SLC30A9: variants seen among roughly 807,000 people sequenced by gnomAD.
SLC30A9 encodes solute carrier family 30 member 9, also known as proton-coupled zinc antiporter SLC30A9, mitochondrial.
A neutral mutation model predicts 87.5 loss-of-function variants in SLC30A9; 58 were observed. That is an observed-to-expected ratio of 0.66 (90% CI 0.54 to 0.82). The LOEUF is 0.82. Among genes scored for constraint, SLC30A9 ranks in the 40% least tolerant of loss-of-function variants. The probability of loss-of-function intolerance (pLI) is 0.00; values close to 1 mark genes in which losing one functional copy is unlikely to be tolerated. For missense variants in SLC30A9, 557 were observed against 679.1 expected, an observed-to-expected ratio of 0.82 and a Z score of 2.00; for synonymous variants, 234 against 233.0, an observed-to-expected ratio of 1.00 and a Z score of -0.04.
intron 9 of SLC30A9, among the ~76,000 whole-genome samples, chr4:42,054,285 G>T (rs891994845): frequency 1.3e-5 from 2 of 152,096 alleles, no homozygotes; most frequent in Non-Finnish European, 2.9e-5. Context: ...TTGAACCCGG[G>T]AGGCAGAGGT....
In SLC30A9 at chr4:42,087,714, A is replaced by G. The variant is rs909881581; in HGVS notation, c.*1588A>G. On this transcript the variant is annotated 3_prime_UTR_variant, in exon 18 of 18. Transcript: ENST00000264451. ...ATATATATATATAATTTGATACTCT[A>G]TTCTTACAGTTTCAAATTCCTTATC... is the stretch of plus-strand genomic sequence containing the variant. The G allele has an allele frequency of 8.0e-5, 12 of 150,560 alleles. No individual in the cohort carries two copies. Among genetic ancestry groups the G allele is most frequent in the African/African-American group, 1.5e-4 (6 of 40,970 alleles). 9.3% of individuals were successfully genotyped at this position (150,560 alleles called of 1,614,324 possible).
At chr4:42,084,746 CAGGCGTGA>C (rs1718864448) in intron 17 of SLC30A9, among the ~76,000 whole-genome samples, 1 of 152,186 alleles carries the variant, frequency 6.6e-6, no homozygotes, top group Non-Finnish European at 1.5e-5. Flanking sequence ...GCTGGGATTA[CAGGCGTGA>C]GCCACCGCGC....
chr4:42,063,273 G>C (rs868847962), intron 11 of SLC30A9, 152 bp downstream of exon 11: 35 of 532,240 alleles, frequency 6.6e-5, no homozygotes, highest in Middle Eastern at 9.8e-4. Flanking sequence ...TTAATTTTTA[G>C]AACGTGACTG....
At chr4:42,073,174 G>A (rs1577722298) in intron 15 of SLC30A9, among the ~76,000 whole-genome samples, 1 of 152,108 alleles carries the variant, frequency 6.6e-6, no homozygotes, top group South Asian at 2.1e-4. Flanking sequence ...CTCTGTATCC[G>A]TTACTGAAAG....
intron 8 of SLC30A9, among the ~76,000 whole-genome samples, chr4:42,044,805 A>G (rs114509266): frequency 6.6e-6 from 1 of 152,242 alleles, no homozygotes; most frequent in East Asian, 1.9e-4. Context: ...TATTGACCAC[A>G]TAATTGGATG....
intron 9 of SLC30A9, among the ~76,000 whole-genome samples, chr4:42,053,499 T>C (rs1283983487): frequency 6.6e-6 from 1 of 151,974 alleles, no homozygotes; most frequent in Non-Finnish European, 1.5e-5. Context: ...GAGACCAGCC[T>C]GGCCAAGATG....
At chr4:42,053,030 C>T (rs1453343668) in intron 9 of SLC30A9, among the ~76,000 whole-genome samples, 1 of 151,430 alleles carries the variant, frequency 6.6e-6, no homozygotes, top group Non-Finnish European at 1.5e-5. Context: ...AAATGAGAAC[C>T]AGTTTTTTCC....
chr4:42,074,099 G>GA (rs890510271), intron 15 of SLC30A9, among the ~76,000 whole-genome samples: 22 of 145,876 alleles, frequency 1.5e-4, no homozygotes, highest in African/African-American at 2.3e-4. Flanking sequence ...TACCAGGAGA[G>GA]AAAAAAAAAA....
chr4:42,029,418 C>T, intron 6 of SLC30A9: 1 of 584,858 alleles, frequency 1.7e-6, no homozygotes, highest in South Asian at 1.5e-5. Context: ...CATATCAGAA[C>T]CACATATCAG....
chr4:42,020,584 G>A (rs1027287470), intron 4 of SLC30A9, 69 bp downstream of exon 4: 11 of 834,398 alleles, frequency 1.3e-5, no homozygotes, highest in Middle Eastern at 3.6e-4. Flanking sequence ...CTTTCTTAGA[G>A]TGTGTTACCT....
rs78074264 is a variant in SLC30A9, at chr4:42,063,747, T to C, written c.1032+626T>C. Among the ~76,000 whole-genome samples, 488 of 152,282 alleles carry C rather than the reference T, an allele frequency of 3.2e-3. 2 individuals are homozygous for C. The highest frequency in any genetic ancestry group is 0.011 in the African/African-American group (467 of 41,564). On this transcript the variant is annotated intron_variant, in intron 11 of 17. Coordinates refer to ENST00000264451, the MANE Select transcript of SLC30A9 (RefSeq NM_006345.4). ...TCTGGCCTTTGTAGATGTTTAAAAC[T>C]GTCTTTTTTTTTCTCATGGGCACTT...
intron 8 of SLC30A9, among the ~76,000 whole-genome samples, chr4:42,041,682 G>A (rs1420517514): frequency 6.6e-6 from 1 of 152,162 alleles, no homozygotes; most frequent in Non-Finnish European, 1.5e-5. Context: ...GCTACAGTAA[G>A]CTGTGATTAT....
intron 17 of SLC30A9, among the ~76,000 whole-genome samples, chr4:42,079,910 C>G (rs1188063353): frequency 6.6e-6 from 1 of 152,160 alleles, no homozygotes; most frequent in Admixed American, 6.5e-5. Flanking sequence ...GCCACCATGC[C>G]AAGCCCACAT....
Position 42,048,392 on chromosome 4 carries a change from T to C in SLC30A9, c.738-985T>C, listed in dbSNP as rs575161814. Among the ~76,000 whole-genome samples the C allele has an allele frequency of 2.0e-5, 3 of 152,280 alleles. No homozygotes were observed. The South Asian group carries it at 6.2e-4, about 32-fold the overall frequency. On this transcript the variant is annotated intron_variant, in intron 8 of 17. Coordinates refer to ENST00000264451, the MANE Select transcript of SLC30A9 (RefSeq NM_006345.4). Reference sequence around the variant, plus strand: ...ACAGACAGAATAAATATGATGTTTTTAAGAAGTTATCTGAGGTGGAGGAGA... The same window carrying C: ...ACAGACAGAATAAATATGATGTTTTCAAGAAGTTATCTGAGGTGGAGGAGA...
At chr4:42,016,178 A>AG (rs563212644) in intron 2 of SLC30A9, among the ~76,000 whole-genome samples, 70 of 152,312 alleles carry the variant, frequency 4.6e-4, no homozygotes, top group Non-Finnish European at 7.8e-4. Context: ...TAAAGTGCAT[A>AG]GGACAGTACA....
intron 2 of SLC30A9, among the ~76,000 whole-genome samples, chr4:42,011,081 C>T (rs1400796880): frequency 2.0e-5 from 3 of 152,070 alleles, no homozygotes; most frequent in Non-Finnish European, 4.4e-5. Context: ...GACCAGTGTA[C>T]TAGTCCATTT....
chr4:42,034,290 A>G (rs1716584234), intron 6 of SLC30A9, among the ~76,000 whole-genome samples: 1 of 152,098 alleles, frequency 6.6e-6, no homozygotes, highest in African/African-American at 2.4e-5. Context: ...ATAGCCCAAA[A>G]TTTACCATCT....
chr4:41,993,339 A>G (rs760728009), intron 1 of SLC30A9, among the ~76,000 whole-genome samples: 26 of 152,132 alleles, frequency 1.7e-4, no homozygotes, highest in Non-Finnish European at 2.6e-4. Context: ...CACAGTTCAG[A>G]CTAACCACGT....
intron 16 of SLC30A9, among the ~76,000 whole-genome samples, chr4:42,077,523 C>A (rs934726490): frequency 2.0e-5 from 3 of 152,092 alleles, no homozygotes; most frequent in Non-Finnish European, 4.4e-5. Flanking sequence ...TCTACCTCAG[C>A]CTCCCAAGTA....
Sources: gnomAD v4.1 joint callset for allele counts (sites outside exome capture counted in the v4.1 genomes callset) on GRCh38, gnomAD v4.1.1 for gene constraint, MANE v1.5 for transcripts, NCBI Gene and HGNC (gene_info 2026-07-23, HGNC 2026-07-21) for gene names.